LUZP1: variants seen among roughly 807,000 people sequenced by gnomAD.
The protein encoded by LUZP1 is filamin mechanobinding actin cross-linking protein.
In LUZP1, 25 loss-of-function variants were observed where a neutral mutation model predicts 71.3. That is an observed-to-expected ratio of 0.35 (90% CI 0.26 to 0.49). The LOEUF (loss-of-function observed/expected upper bound fraction) is 0.49, where lower values mean the gene tolerates loss of function less well. Ranked by LOEUF, LUZP1 falls within the 20% of genes least tolerant of loss-of-function variation. The pLI, the probability that LUZP1 is intolerant of heterozygous loss-of-function variation, is 0.99. For synonymous variants in LUZP1, 481 were observed against 506.4 expected, an observed-to-expected ratio of 0.95 and a Z score of 0.67; for missense variants, 1,142 against 1,300.8, an observed-to-expected ratio of 0.88 and a Z score of 1.88.
chr1:23,122,270 A>G (rs548499496), intron 2 of LUZP1, among the ~76,000 whole-genome samples: 1 of 152,350 alleles, frequency 6.6e-6, no homozygotes, highest in East Asian at 1.9e-4. Context: ...AAGAGCCAAA[A>G]GAAATGACTA....
intron 1 of LUZP1, among the ~76,000 whole-genome samples, chr1:23,172,825 T>G (rs1569726716): frequency 6.6e-6 from 1 of 151,318 alleles, no homozygotes; most frequent in East Asian, 1.9e-4. Context: ...AAAATTTTAT[T>G]TATTTATTTT....
In LUZP1 at chr1:23,115,633, C is replaced by T. The variant is rs927885098; in HGVS notation, c.-225-6506G>A. The stretch of plus-strand genomic sequence containing the variant: ...TCGGCTCACTGCAACCTCCGCCTCC[C>T]GGGTTCAAGCGATTCTCCTGTCTCA... On this transcript the variant is annotated intron_variant, in intron 2 of 4. Transcript: ENST00000302291. Among the ~76,000 whole-genome samples, 8 of 152,266 alleles carry T rather than the reference C, an allele frequency of 5.3e-5. No individual in the cohort carries two copies. The East Asian group carries it at 7.7e-4, about 15-fold the overall frequency.
chr1:23,131,219 CAAAAAAAAAAA>C (rs71020480), intron 2 of LUZP1, among the ~76,000 whole-genome samples: 58 of 45,046 alleles, frequency 1.3e-3, no homozygotes, highest in Middle Eastern at 0.043. Flanking sequence ...GACTCCATCT[CAAAAAAAAAAA>C]AAAAAAAAAA....
At chr1:23,136,847 G>A (rs1644258537) in intron 2 of LUZP1, among the ~76,000 whole-genome samples, 1 of 152,218 alleles carries the variant, frequency 6.6e-6, no homozygotes, top group African/African-American at 2.4e-5. Context: ...GAACCCGGGA[G>A]GCGGAGCTTG....
At chr1:23,129,066 G>A (rs1045304081) in intron 2 of LUZP1, among the ~76,000 whole-genome samples, 1 of 152,164 alleles carries the variant, frequency 6.6e-6, no homozygotes, top group Admixed American at 6.5e-5. Context: ...TGCATTTATC[G>A]ATGACATTGC....
intron 2 of LUZP1, among the ~76,000 whole-genome samples, chr1:23,144,210 G>C (rs1644326025): frequency 6.6e-6 from 1 of 152,170 alleles, no homozygotes; most frequent in Admixed American, 6.5e-5. Context: ...GGATATGGAA[G>C]AGTCTCCAAT....
intron 2 of LUZP1, among the ~76,000 whole-genome samples, chr1:23,138,657 A>G (rs963084722): frequency 2.6e-4 from 28 of 109,216 alleles, no homozygotes; most frequent in Middle Eastern, 4.3e-3. Flanking sequence ...TATATGGATT[A>G]TGTGTTTGTG....
intron 2 of LUZP1, among the ~76,000 whole-genome samples, chr1:23,112,220 G>C (rs552507687): frequency 1.3e-5 from 2 of 152,224 alleles, no homozygotes; most frequent in African/African-American, 4.8e-5. Flanking sequence ...ACAAGAGGAT[G>C]ACTGTAAACA....
rs576533371 is a variant in LUZP1 at position 23,091,950 on chromosome 1, C to T, written c.2312G>A (p.Gly771Glu). Residue 771 changes from glycine to glutamate, a missense_variant, in exon 4 of 5, where the codon GGA becomes GAA. Transcript: ENST00000302291. ...CTCCAACGTAGTCTCTGTTCCAGAT[C>T]CTCCCATGATTTTTTTCACATCCTT... 4.3e-6 allele frequency: 7 copies of T among 1,614,084 alleles called. No homozygotes were observed. In the East Asian group the frequency reaches 1.3e-4, roughly 31 times the overall value.
exon 5 of LUZP1, chr1:23,085,182 G>A (rs1218839060): frequency 6.6e-6 from 1 of 151,606 alleles, no homozygotes. Context: ...GCAGGGGTGA[G>A]AGAGACCAGA....
rs79632252 is a variant in LUZP1, at chr1:23,159,490, G to T, written c.-226+9276C>A. The stretch of plus-strand genomic sequence containing the variant: ...TTGTGACACTGGATATCTAGCTTCT[G>T]TGTGTACCAGTTCCTCATCTGTAAA... On this transcript the variant is annotated intron_variant, in intron 2 of 4. Transcript: ENST00000302291. Among the ~76,000 whole-genome samples, 372 of 152,310 alleles carry T rather than the reference G, an allele frequency of 2.4e-3. 11 individuals carry two copies. The East Asian group carries it at 0.042, about 17-fold the overall frequency.
intron 1 of LUZP1, among the ~76,000 whole-genome samples, chr1:23,172,459 G>A (rs1187484007): frequency 6.6e-6 from 1 of 151,578 alleles, no homozygotes; most frequent in African/African-American, 2.4e-5. Context: ...AGGAGTTTGA[G>A]ACCAACCTGG....
exon 5 of LUZP1, chr1:23,086,293 TAAAAA>T (rs2124572710): frequency 6.5e-6 from 1 of 152,726 alleles, no homozygotes; most frequent in South Asian, 2.1e-4. Context: ...TGAGGACACT[TAAAAA>T]TAAAATCTAT....
chr1:23,091,298 G>C, exon 4 of LUZP1: 2 of 1,614,056 alleles, frequency 1.2e-6, no homozygotes, highest in African/African-American at 1.3e-5. Flanking sequence ...TTCTGGAGGA[G>C]GGCTCAGGGG....
At chr1:23,115,187 G>C (rs776730841) in intron 2 of LUZP1, among the ~76,000 whole-genome samples, 14 of 152,170 alleles carry the variant, frequency 9.2e-5, no homozygotes, top group Non-Finnish European at 2.1e-4. Context: ...TCAACTGAAA[G>C]TGCTTCTAAT....
intron 2 of LUZP1, among the ~76,000 whole-genome samples, chr1:23,113,214 A>G (rs1249948244): frequency 6.6e-6 from 1 of 152,116 alleles, no homozygotes; most frequent in South Asian, 2.1e-4. Context: ...TGGGCAACAC[A>G]GTGAGACACT....
At chr1:23,138,614 C>T (rs538896201) in intron 2 of LUZP1, among the ~76,000 whole-genome samples, 2 of 150,190 alleles carry the variant, frequency 1.3e-5, no homozygotes, top group Admixed American at 1.3e-4. Context: ...TTTTTTAAAG[C>T]ACCGAATTAT....
In LUZP1 at chr1:23,109,818, G is replaced by A. The variant is rs146949062; in HGVS notation, c.-225-691C>T. On this transcript the variant is annotated intron_variant, in intron 2 of 4. Transcript: ENST00000302291. Reference sequence around the variant, plus strand: ...AAACACTTCTGGTCCCAGGGATTTCGGATAAGGGGATACTCAACCTTCAGT... The same window carrying A: ...AAACACTTCTGGTCCCAGGGATTTCAGATAAGGGGATACTCAACCTTCAGT... Among the ~76,000 whole-genome samples, 180 of 152,068 alleles carry A rather than the reference G, an allele frequency of 1.2e-3. 1 individual carries two copies. In the Middle Eastern group the frequency reaches 0.014, roughly 11 times the overall value.
At chr1:23,155,096 C>A (rs546828997) in intron 2 of LUZP1, among the ~76,000 whole-genome samples, 5 of 152,230 alleles carry the variant, frequency 3.3e-5, no homozygotes, top group African/African-American at 9.6e-5. Context: ...ATATTATACT[C>A]CATTACAGCT....
Sources: gnomAD v4.1 joint callset for allele counts (sites outside exome capture counted in the v4.1 genomes callset) on GRCh38, gnomAD v4.1.1 for gene constraint, MANE v1.5 for transcripts, NCBI Gene and HGNC (gene_info 2026-07-23, HGNC 2026-07-21) for gene names.